Variants in MCPH1 observed in about 807,000 individuals in gnomAD.
MCPH1 encodes microcephalin.
Under a neutral mutation model 84.5 loss-of-function variants are expected in MCPH1, and 104 were observed. That is an observed-to-expected ratio of 1.23 (90% CI 1.05 to 1.45). The LOEUF (loss-of-function observed/expected upper bound fraction) is 1.45. Ranked by LOEUF, MCPH1 falls within the 40% of genes most tolerant of loss-of-function variation. MCPH1 has a pLI of 0.00. For missense variants in MCPH1, 1,498 were observed against 1,005.7 expected (o/e 1.49, Z -6.62); for synonymous variants, 514 against 366.8 (o/e 1.40, Z -4.58).
chr8:6,602,901 T>C (rs981318497), intron 12 of MCPH1, among the ~76,000 whole-genome samples: 7 of 152,048 alleles, frequency 4.6e-5, no homozygotes, highest in Non-Finnish European at 1.0e-4. Context: ...GGTCTTAAAA[T>C]AGAAAATATA....
intron 11 of MCPH1, among the ~76,000 whole-genome samples, chr8:6,483,826 C>A (rs1809532826): frequency 6.6e-6 from 1 of 152,048 alleles, no homozygotes; most frequent in East Asian, 1.9e-4. Flanking sequence ...TGCCACTGCA[C>A]TGCAGCCTGG....
chr8:6,582,571 T>C (rs368147387), intron 12 of MCPH1, among the ~76,000 whole-genome samples: 1 of 152,220 alleles, frequency 6.6e-6, no homozygotes, highest in South Asian at 2.1e-4. Flanking sequence ...TGTTTGTTTG[T>C]ATTTAATAGT....
chr8:6,447,453 A>C, intron 8 of MCPH1: 1 of 983,614 alleles, frequency 1.0e-6, no homozygotes, highest in African/African-American at 1.7e-5. Flanking sequence ...TATCTAAGAT[A>C]CAGTGTAAAA....
intron 2 of MCPH1, among the ~76,000 whole-genome samples, chr8:6,410,455 A>G (rs749761861): frequency 1.3e-5 from 2 of 152,198 alleles, no homozygotes; most frequent in Admixed American, 6.5e-5. Flanking sequence ...TCATTGAGCT[A>G]TGAGGAAATG....
chr8:6,585,847 G>A (rs534223332), intron 12 of MCPH1, among the ~76,000 whole-genome samples: 10 of 152,154 alleles, frequency 6.6e-5, no homozygotes, highest in Admixed American at 2.6e-4. Context: ...TCTATTGCAC[G>A]GAAGCTGGCC....
chr8:6,642,819 G>A (rs139097674), intron 13 of MCPH1, 175 bp from the exon 14 acceptor site: 186 of 676,778 alleles, frequency 2.7e-4, no homozygotes, highest in African/African-American at 2.2e-3. Context: ...ATTGAATTTC[G>A]TTTCACGTTA....
intron 12 of MCPH1, chr8:6,562,722 G>A (rs764203431): frequency 2.5e-6 from 4 of 1,613,436 alleles, no homozygotes; most frequent in Non-Finnish European, 3.4e-6. Flanking sequence ...CATCGTATTC[G>A]AGCGGCGCGT....
intron 12 of MCPH1, chr8:6,621,072 A>G: frequency 3.1e-6 from 1 of 323,492 alleles, no homozygotes; most frequent in East Asian, 8.5e-5. Context: ...CGGCATTTGC[A>G]GTGCATTAGA....
At chr8:6,591,975 A>G (rs1828491941) in intron 12 of MCPH1, among the ~76,000 whole-genome samples, 1 of 152,192 alleles carries the variant, frequency 6.6e-6, no homozygotes, top group African/African-American at 2.4e-5. Flanking sequence ...AGTAGGGAAA[A>G]AATTCGACAA....
At chr8:6,559,611 T>A (rs1825203552) in intron 12 of MCPH1, among the ~76,000 whole-genome samples, 1 of 152,196 alleles carries the variant, frequency 6.6e-6, no homozygotes, top group African/African-American at 2.4e-5. Context: ...ACTGCAGTTG[T>A]TTATAGGTAT....
At chr8:6,496,864 A>G (rs1811290370) in intron 11 of MCPH1, among the ~76,000 whole-genome samples, 1 of 152,120 alleles carries the variant, frequency 6.6e-6, no homozygotes, top group South Asian at 2.1e-4. Context: ...AATCCCTCTT[A>G]CAGATTGCCT....
chr8:6,513,698 T>G, intron 12 of MCPH1: 1 of 1,611,516 alleles, frequency 6.2e-7, no homozygotes, highest in Admixed American at 1.7e-5. Context: ...GTTCTTCACT[T>G]GAGAGATAGA....
chr8:6,419,152 G>GACAC (rs1177481281), intron 3 of MCPH1, among the ~76,000 whole-genome samples: 708 of 59,322 alleles, frequency 0.012, 7 homozygotes, highest in African/African-American at 0.032. Context: ...CACACACACA[G>GACAC]ACACACACAC....
At chr8:6,558,725 C>A (rs1291858329) in intron 12 of MCPH1, among the ~76,000 whole-genome samples, 2 of 152,134 alleles carry the variant, frequency 1.3e-5, no homozygotes, top group South Asian at 2.1e-4. Flanking sequence ...ACAATCATCT[C>A]CCCATAGTGT....
At chr8:6,541,228 A>G (rs2922870) in intron 12 of MCPH1, among the ~76,000 whole-genome samples, 64,358 of 152,012 alleles carry the variant, frequency 0.42, 13,774 homozygotes, top group African/African-American at 0.48. Flanking sequence ...CTGACACAGC[A>G]GGGGATGCTT....
chr8:6,631,738 G>A (rs1015709191), intron 13 of MCPH1, among the ~76,000 whole-genome samples: 4 of 151,968 alleles, frequency 2.6e-5, no homozygotes, highest in Admixed American at 1.3e-4. Flanking sequence ...TGTAATGTTG[G>A]GAATGTAAGA....
chr8:6,587,535 C>G (rs1196336060), intron 12 of MCPH1, among the ~76,000 whole-genome samples: 1 of 152,188 alleles, frequency 6.6e-6, no homozygotes, highest in African/African-American at 2.4e-5. Context: ...ACATTGAATT[C>G]TTTCCAGTTT....
chr8:6,541,463 G>A (rs917400518), intron 12 of MCPH1, among the ~76,000 whole-genome samples: 4 of 152,142 alleles, frequency 2.6e-5, no homozygotes, highest in African/African-American at 9.7e-5. Context: ...AGTAGATTGG[G>A]GCAGGGCAGG....
Position 6,597,082 on chromosome 8 carries a change from A to C in MCPH1, c.2215-24372A>C, listed in dbSNP as rs550738205. 1.2e-4 allele frequency among the ~76,000 whole-genome samples: 18 copies of C among 152,320 alleles called. 1 individual carries two copies. The highest frequency in any genetic ancestry group is 1.2e-3 in the Admixed American group (18 of 15,306). ...CTTAGCATCCAAGCAGGCTGGACTCACAGCCCTCTGCCTGGTGTGTGATCT... is the reference window on the plus strand; with the variant it reads ...CTTAGCATCCAAGCAGGCTGGACTCCCAGCCCTCTGCCTGGTGTGTGATCT... On this transcript the variant is annotated intron_variant, in intron 12 of 13. Coordinates refer to ENST00000344683, the MANE Select transcript of MCPH1 (RefSeq NM_024596.5).
Sources: gnomAD v4.1 joint callset for allele counts (sites outside exome capture counted in the v4.1 genomes callset) on GRCh38, gnomAD v4.1.1 for gene constraint, MANE v1.5 for transcripts, NCBI Gene and HGNC (gene_info 2026-07-23, HGNC 2026-07-21) for gene names.